NRG1: variants seen among roughly 807,000 people sequenced by gnomAD.
NRG1 encodes the protein pro-neuregulin-1, membrane-bound isoform.
Under a neutral mutation model 63.8 loss-of-function variants are expected in NRG1, and 18 were observed. The observed-to-expected ratio is 0.28, with a 90% confidence interval of 0.19 to 0.42. The LOEUF (loss-of-function observed/expected upper bound fraction) is 0.42. Among genes scored for constraint, NRG1 ranks in the 10% least tolerant of loss-of-function variants. NRG1 has a pLI of 1.00. For missense variants in NRG1, 762 were observed against 814.7 expected, an observed-to-expected ratio of 0.94 and a Z score of 0.79; for synonymous variants, 302 against 301.3, an observed-to-expected ratio of 1.00 and a Z score of -0.02.
intron 1 of NRG1, among the ~76,000 whole-genome samples, chr8:32,169,785 T>C (rs1839812413): frequency 6.6e-6 from 1 of 152,158 alleles, no homozygotes; most frequent in South Asian, 2.1e-4. Flanking sequence ...GAATGATTTA[T>C]CTTATTATTC....
At chr8:32,361,491 A>G (rs1417151935) in intron 1 of NRG1, among the ~76,000 whole-genome samples, 1 of 152,096 alleles carries the variant, frequency 6.6e-6, no homozygotes. Flanking sequence ...CATGGACAAC[A>G]TGTTCCAGGA....
chr8:31,767,958 A>G (rs1289312057), intron 1 of NRG1, among the ~76,000 whole-genome samples: 1 of 152,184 alleles, frequency 6.6e-6, no homozygotes, highest in Admixed American at 6.6e-5. Flanking sequence ...AACATCGGTC[A>G]AATTCCTTAA....
At chr8:32,460,339 C>A (rs1192463674) in intron 1 of NRG1, among the ~76,000 whole-genome samples, 1 of 152,132 alleles carries the variant, frequency 6.6e-6, no homozygotes, top group African/African-American at 2.4e-5. Flanking sequence ...AGACATTTAA[C>A]TTAAAAGGTG....
At chr8:31,819,039 G>A (rs1356087565) in intron 1 of NRG1, among the ~76,000 whole-genome samples, 2 of 151,862 alleles carry the variant, frequency 1.3e-5, no homozygotes, top group African/African-American at 2.4e-5. Context: ...GGGCGACAGA[G>A]TGAGACTTCT....
intron 1 of NRG1, among the ~76,000 whole-genome samples, chr8:31,779,004 C>T (rs774901864): frequency 5.3e-5 from 8 of 152,204 alleles, no homozygotes; most frequent in Admixed American, 2.0e-4. Flanking sequence ...TGCTCAGGAA[C>T]GACAGCACCT....
chr8:32,141,136 A>G (rs1255626208), intron 1 of NRG1, among the ~76,000 whole-genome samples: 1 of 152,162 alleles, frequency 6.6e-6, no homozygotes, highest in Non-Finnish European at 1.5e-5. Flanking sequence ...AACTTCATAT[A>G]GGAATAAAAA....
chr8:31,722,151 G>A (rs12544991), intron 1 of NRG1, among the ~76,000 whole-genome samples: 147,472 of 152,186 alleles, frequency 0.97, 71,613 homozygotes, highest in East Asian at 1. Flanking sequence ...AGGACCTGGT[G>A]GTCTCAGCCC....
At chr8:32,403,668 C>T (rs1334254797) in intron 1 of NRG1, among the ~76,000 whole-genome samples, 1 of 152,118 alleles carries the variant, frequency 6.6e-6, no homozygotes, top group Non-Finnish European at 1.5e-5. Context: ...ATAGTACCCA[C>T]CCACATCACC....
At chr8:32,376,920 G>T (rs1809705688) in intron 1 of NRG1, among the ~76,000 whole-genome samples, 1 of 152,166 alleles carries the variant, frequency 6.6e-6, no homozygotes, top group Admixed American at 6.6e-5. Flanking sequence ...GTTTAACAAG[G>T]AGCCCATTTT....
intron 5 of NRG1, among the ~76,000 whole-genome samples, chr8:32,714,146 A>T (rs907349813): frequency 2.0e-5 from 3 of 152,170 alleles, no homozygotes; most frequent in African/African-American, 7.2e-5. Flanking sequence ...TTTTGATGCT[A>T]TGAATGCATT....
At chr8:32,361,061 T>A (rs1264271112) in intron 1 of NRG1, among the ~76,000 whole-genome samples, 2 of 152,264 alleles carry the variant, frequency 1.3e-5, no homozygotes, top group African/African-American at 4.8e-5. Context: ...CCCTTATTCA[T>A]ACGATAGACC....
At chr8:32,748,327 ACGCGCGCGCGCG>A (rs111644131) in intron 7 of NRG1, among the ~76,000 whole-genome samples, 1 of 118,782 alleles carries the variant, frequency 8.4e-6, no homozygotes, top group Non-Finnish European at 1.8e-5. Context: ...GCGCATGTAC[ACGCGCGCGCGCG>A]CACACACACA....
chr8:31,811,324 C>T (rs1822864964), intron 1 of NRG1, among the ~76,000 whole-genome samples: 1 of 152,150 alleles, frequency 6.6e-6, no homozygotes, highest in Non-Finnish European at 1.5e-5. Flanking sequence ...TAAGTGTGGG[C>T]TTTGATTTCC....
At chr8:32,276,898 CA>C (rs1434928812) in intron 1 of NRG1, among the ~76,000 whole-genome samples, 1 of 152,020 alleles carries the variant, frequency 6.6e-6, no homozygotes, top group African/African-American at 2.4e-5. Context: ...GGGACAGCCA[CA>C]ACGAATGCCA....
At chr8:32,515,601 C>T (rs1264494668) in intron 1 of NRG1, among the ~76,000 whole-genome samples, 1 of 151,932 alleles carries the variant, frequency 6.6e-6, no homozygotes, top group Non-Finnish European at 1.5e-5. Flanking sequence ...TGCCAACACA[C>T]CCAGCTCATT....
chr8:31,945,304 C>T (rs943127085), intron 1 of NRG1, among the ~76,000 whole-genome samples: 15 of 152,098 alleles, frequency 9.9e-5, no homozygotes, highest in Non-Finnish European at 2.2e-4. Context: ...TCATAGTTTT[C>T]TTTATTTTCA....
chr8:32,646,705 G>A, intron 5 of NRG1: 3 of 985,374 alleles, frequency 3.0e-6, no homozygotes, highest in Non-Finnish European at 3.6e-6. Flanking sequence ...GAAAAAGGAG[G>A]AAAACGGGTG....
intron 6 of NRG1, among the ~76,000 whole-genome samples, chr8:32,736,312 C>G (rs899085207): frequency 2.6e-5 from 4 of 152,122 alleles, no homozygotes; most frequent in African/African-American, 7.2e-5. Flanking sequence ...TAATCTACAA[C>G]ACAGATACTC....
At chr8:31,850,594 C>T (rs895400845) in intron 1 of NRG1, among the ~76,000 whole-genome samples, 8 of 152,206 alleles carry the variant, frequency 5.3e-5, no homozygotes, top group African/African-American at 1.9e-4. Flanking sequence ...CCTGTCCTCC[C>T]TGCCTGCTCA....
Sources: gnomAD v4.1 joint callset for allele counts (sites outside exome capture counted in the v4.1 genomes callset) on GRCh38, gnomAD v4.1.1 for gene constraint, MANE v1.5 for transcripts, NCBI Gene and HGNC (gene_info 2026-07-23, HGNC 2026-07-21) for gene names.